The following USP25 variants were observed in gnomAD, a reference collection of about 807,000 sequenced individuals.
USP25 encodes the protein ubiquitin specific peptidase 25.
USP25 carries 85 observed loss-of-function variants against 158.5 expected under a neutral mutation model. That is an observed-to-expected ratio of 0.54 (90% CI 0.45 to 0.64). The LOEUF (loss-of-function observed/expected upper bound fraction) is 0.64, where lower values mean the gene tolerates loss of function less well. Ranked by LOEUF, USP25 falls within the 30% of genes least tolerant of loss-of-function variation. The pLI, the probability that USP25 is intolerant of heterozygous loss-of-function variation, is 0.00. For missense variants in USP25, 1,242 were observed against 1,327.3 expected (o/e 0.94, Z 1.00); for synonymous variants, 464 against 460.4 (o/e 1.01, Z -0.10).
chr21:15,801,484 G>C (rs914918895), intron 6 of USP25, among the ~76,000 whole-genome samples: 5 of 151,396 alleles, frequency 3.3e-5, no homozygotes, highest in African/African-American at 1.2e-4. Flanking sequence ...AATTTTATAT[G>C]ATTATTCCAC....
At chr21:15,837,414 G>T (rs1317538854) in intron 17 of USP25, among the ~76,000 whole-genome samples, 2 of 150,946 alleles carry the variant, frequency 1.3e-5, no homozygotes, top group African/African-American at 2.4e-5. Context: ...TGTCAGTGTG[G>T]GGATCAGAGT....
intron 1 of USP25, among the ~76,000 whole-genome samples, chr21:15,735,730 A>G (rs2031427709): frequency 6.6e-6 from 1 of 152,130 alleles, no homozygotes; most frequent in Non-Finnish European, 1.5e-5. Flanking sequence ...TGATTTGAAA[A>G]ATTAGATAGC....
intron 17 of USP25, among the ~76,000 whole-genome samples, chr21:15,841,012 C>T (rs2038308089): frequency 6.6e-6 from 1 of 152,164 alleles, no homozygotes; most frequent in Non-Finnish European, 1.5e-5. Flanking sequence ...TTATCTATTA[C>T]TCATGGGCAT....
At chr21:15,846,151 TATA>T (rs1270806241) in intron 18 of USP25, among the ~76,000 whole-genome samples, 180 of 68,304 alleles carry the variant, frequency 2.6e-3, no homozygotes, top group African/African-American at 1.0e-2. Context: ...TATATATATA[TATA>T]TATATTTTTT....
chr21:15,744,889 G>A, intron 1 of USP25: 1 of 152,436 alleles, frequency 6.6e-6, no homozygotes. Flanking sequence ...CACCCCGCCG[G>A]GTCTGCCGCT....
intron 22 of USP25, among the ~76,000 whole-genome samples, chr21:15,867,000 A>T (rs955871020): frequency 1.3e-5 from 2 of 152,078 alleles, no homozygotes; most frequent in Admixed American, 1.3e-4. Context: ...TGGGGAAGTT[A>T]ATTCATTTTA....
chr21:15,864,798 A>T (rs1350093065), intron 21 of USP25, among the ~76,000 whole-genome samples: 2 of 152,154 alleles, frequency 1.3e-5, no homozygotes, highest in Non-Finnish European at 2.9e-5. Flanking sequence ...TGATTGTAGG[A>T]TATTTAATAA....
intron 3 of USP25, among the ~76,000 whole-genome samples, chr21:15,772,045 AACTT>A (rs1483657595): frequency 5.3e-5 from 8 of 152,146 alleles, no homozygotes; most frequent in African/African-American, 1.9e-4. Context: ...GGCTTTTGTG[AACTT>A]ACTTAGAAAC....
At chr21:15,817,787 C>T (rs532678645) in intron 9 of USP25, among the ~76,000 whole-genome samples, 18 of 152,236 alleles carry the variant, frequency 1.2e-4, no homozygotes, top group Non-Finnish European at 2.4e-4. Flanking sequence ...AAACCGCCCC[C>T]ATGATTGAAT....
At chr21:15,870,027 A>G (rs956319191) in intron 22 of USP25, 41 bp from the exon 23 acceptor site, 11 of 1,476,006 alleles carry the variant, frequency 7.5e-6, no homozygotes, top group Non-Finnish European at 9.3e-6. Flanking sequence ...TACTTTTTAA[A>G]TCTTACTCTG....
chr21:15,842,053 A>G (rs912598445), intron 17 of USP25, among the ~76,000 whole-genome samples: 1 of 152,156 alleles, frequency 6.6e-6, no homozygotes, highest in African/African-American at 2.4e-5. Context: ...ATGGAAAGTC[A>G]GCCCAAGATT....
intron 9 of USP25, among the ~76,000 whole-genome samples, chr21:15,813,522 A>G (rs1286356741): frequency 6.6e-6 from 1 of 152,196 alleles, no homozygotes; most frequent in African/African-American, 2.4e-5. Context: ...CCAGTTTTAT[A>G]TCAAAAGACT....
chr21:15,877,825 C>T lies in USP25; in HGVS notation c.3039C>T (p.Phe1013=), dbSNP rs139540201. Residue 1013 remains phenylalanine (F), a synonymous_variant, in exon 25 of 26, where the codon TTC becomes TTT. Coordinates refer to ENST00000400183, the MANE Select transcript of USP25 (RefSeq NM_001283041.3). ...TAAATGAGCAAGCCGCAGAACTCTT[C>T]GAATCTGGAGAGGATCGAGAAGTAA... ...LKLNEQAAEL[F]ESGEDREVNN... The T allele has an allele frequency of 1.9e-5, 30 of 1,611,320 alleles. No individual in the cohort carries two copies. Among genetic ancestry groups the T allele is most frequent in the African/African-American group, 4.0e-5 (3 of 74,670 alleles).
At chr21:15,782,627 C>T (rs578185791) in intron 4 of USP25, among the ~76,000 whole-genome samples, 4 of 152,156 alleles carry the variant, frequency 2.6e-5, no homozygotes, top group East Asian at 3.9e-4. Context: ...GAGATAATCA[C>T]GGACATCGCA....
chr21:15,825,284 C>T (rs1230084003), intron 12 of USP25, among the ~76,000 whole-genome samples: 2 of 152,116 alleles, frequency 1.3e-5, no homozygotes, highest in African/African-American at 4.8e-5. Flanking sequence ...GGTAATGTTC[C>T]TACTGCTGAA....
intron 1 of USP25, 86 bp downstream of exon 1, chr21:15,730,524 C>T (rs1411095656): frequency 4.7e-6 from 6 of 1,266,502 alleles, no homozygotes; most frequent in South Asian, 2.2e-5. Context: ...CCCGGCCTCG[C>T]CGCCGCCGCC....
chr21:15,757,497 A>G (rs899872196), intron 1 of USP25, among the ~76,000 whole-genome samples: 1 of 152,346 alleles, frequency 6.6e-6, no homozygotes, highest in Middle Eastern at 3.4e-3. Context: ...GCTCTTCTCC[A>G]TAATATACTC....
intron 3 of USP25, among the ~76,000 whole-genome samples, chr21:15,768,495 T>A (rs1003044204): frequency 6.6e-6 from 1 of 152,090 alleles, no homozygotes; most frequent in South Asian, 2.1e-4. Flanking sequence ...AAAATACTCT[T>A]TAAGTGACTG....
chr21:15,806,036 C>T (rs2036370755), intron 7 of USP25, among the ~76,000 whole-genome samples: 1 of 152,122 alleles, frequency 6.6e-6, no homozygotes, highest in Non-Finnish European at 1.5e-5. Flanking sequence ...TTTACATTTA[C>T]CTTGTATGGC....
Sources: allele counts gnomAD v4.1 joint callset (sites outside exome capture counted in the v4.1 genomes callset), GRCh38; gene constraint gnomAD v4.1.1; transcripts MANE v1.5; gene names NCBI Gene and HGNC (gene_info 2026-07-23, HGNC 2026-07-21).